ZFAND5: variants seen among roughly 807,000 people sequenced by gnomAD.
The protein encoded by ZFAND5 is AN1-type zinc finger protein 5.
ZFAND5 carries 4 observed loss-of-function variants against 23.6 expected under a neutral mutation model. That is an observed-to-expected ratio of 0.17 (90% CI 0.08 to 0.39). ZFAND5 has a LOEUF of 0.39. ZFAND5 is among the 10% of genes least tolerant of loss of function. ZFAND5 has a pLI of 1.00. For synonymous variants in ZFAND5, 68 were observed against 80.6 expected (o/e 0.84, Z 0.84); for missense variants, 161 against 253.7 (o/e 0.63, Z 2.48).
Position 72,354,561 on chromosome 9 carries a change from T to C in ZFAND5, c.*1392A>G, listed in dbSNP as rs1841880050. The C allele has an allele frequency of 6.6e-6, 1 of 152,638 alleles. No individual in the cohort carries two copies. Among genetic ancestry groups the C allele is most frequent in the Non-Finnish European group, 1.5e-5 (1 of 68,034 alleles). 9.5% of individuals were successfully genotyped at this position (152,638 alleles called of 1,614,324 possible). A position where few individuals can be genotyped will look rare whatever the true frequency, so the allele number is the denominator to read the frequency against. Reference sequence around the variant, plus strand: ...CATAAATATGAACTATCTGTACACATCTGCAGGTCTAACTCAGAACTAAGG... The same window carrying C: ...CATAAATATGAACTATCTGTACACACCTGCAGGTCTAACTCAGAACTAAGG... On this transcript the variant is annotated 3_prime_UTR_variant, in exon 7 of 7. Transcript: ENST00000376962.
In ZFAND5 at chr9:72,359,500, C is replaced by A. The variant is rs79349856; in HGVS notation, c.285G>T (p.Leu95Phe). ...TTTCTGTCATTTGCTGAGTTACAGG[C>A]AAGGCAGCCACAGGCACATTTCTAT... ...EKSRNVPVAA[L>F]PVTQQMTEMS... The change falls in exon 5 of 7, where the codon TTG becomes TTT. Residue 95 changes from leucine to phenylalanine, a missense_variant. This residue lies in a region of ZFAND5 where 116 missense variants were observed against 115.2 expected (regional missense o/e 1.01). Transcript: ENST00000376962. 1.2e-6 allele frequency: 2 copies of A among 1,613,650 alleles called. No homozygotes were observed. The highest frequency in any genetic ancestry group is 1.7e-6 in the Non-Finnish European group (2 of 1,179,696).
Position 72,355,713 on chromosome 9 carries a change from C to T in ZFAND5, c.*240G>A. The T allele has an allele frequency of 2.9e-6, 1 of 339,410 alleles. No individual in the cohort carries two copies. The highest frequency in any genetic ancestry group is 5.0e-5 in the East Asian group (1 of 20,184). 21.0% of individuals were successfully genotyped at this position (339,410 alleles called of 1,614,324 possible). A position where few individuals can be genotyped will look rare whatever the true frequency, so the allele number is the denominator to read the frequency against. Reference sequence around the variant, plus strand: ...CCTATTATCTGTGTGTTTCACTTTGCTGTGCAGATTTTCATCCAATTTTTT... The same window carrying T: ...CCTATTATCTGTGTGTTTCACTTTGTTGTGCAGATTTTCATCCAATTTTTT... On this transcript the variant is annotated 3_prime_UTR_variant, in exon 7 of 7. Transcript: ENST00000376962.
intron 5 of ZFAND5, among the ~76,000 whole-genome samples, chr9:72,358,663 A>G (rs1216519589): frequency 6.6e-6 from 1 of 152,166 alleles, no homozygotes; most frequent in East Asian, 1.9e-4. Flanking sequence ...GATTAATACA[A>G]TAAACAAACT....
At chr9:72,361,593 T>C (rs983985990) in intron 2 of ZFAND5, among the ~76,000 whole-genome samples, 27 of 152,314 alleles carry the variant, frequency 1.8e-4, no homozygotes, top group African/African-American at 6.5e-4. Context: ...TCAAATTCAA[T>C]GTATTAAAGT....
chr9:72,359,610 G>A (rs1842040650), intron 4 of ZFAND5, 89 bp from the exon 5 acceptor site: 3 of 1,220,674 alleles, frequency 2.5e-6, no homozygotes, highest in Non-Finnish European at 3.4e-6. Context: ...TTAAATTATA[G>A]AATATTTCCA....
At position 72,365,193 on chromosome 9, in the gene ZFAND5, G is replaced by A. The variant is rs1241780059; in HGVS notation, c.-644C>T. The A allele has an allele frequency of 2.6e-5, 4 of 152,232 alleles. No individual in the cohort carries two copies. Among genetic ancestry groups the A allele is most frequent in the African/African-American group, 9.6e-5 (4 of 41,460 alleles). 9.4% of individuals were successfully genotyped at this position (152,232 alleles called of 1,614,324 possible). A position where few individuals can be genotyped will look rare whatever the true frequency, so the allele number is the denominator to read the frequency against. On this transcript the variant is annotated 5_prime_UTR_variant, in exon 1 of 7. It adds an upstream start codon to the 5' untranslated region. Coordinates refer to ENST00000376962, the MANE Select transcript of ZFAND5 (RefSeq NM_001102420.3). ...GCGTAGGAGATGCACACAGCTCCGCGTCCCGGCCGACTAACGCACTCGCCG... is the reference window on the plus strand; with the variant it reads ...GCGTAGGAGATGCACACAGCTCCGCATCCCGGCCGACTAACGCACTCGCCG...
rs1333873227 is a variant in ZFAND5, at chr9:72,356,137, T to C, written c.494-36A>G. 5 of 1,579,112 alleles carry C rather than the reference T, an allele frequency of 3.2e-6. No individual in the cohort carries two copies. In the South Asian group the frequency reaches 4.8e-5, roughly 15 times the overall value. ...GAAGAAGTAGAGTCATTTGAGAACT[T>C]GAGGCAATTAAAAGAAAAAAAAGCC... On this transcript the variant is annotated intron_variant, in intron 6 of 6. Transcript: ENST00000376962.
intron 1 of ZFAND5, 187 bp downstream of exon 1, chr9:72,364,509 C>G (rs777230420): frequency 5.5e-5 from 71 of 1,280,542 alleles, no homozygotes; most frequent in Non-Finnish European, 1.2e-5. Flanking sequence ...TCTCGGGCCA[C>G]GACGACAGGA....
rs1224276753 is a variant in ZFAND5, at chr9:72,353,914, G to C, written c.*2039C>G. On this transcript the variant is annotated 3_prime_UTR_variant, in exon 7 of 7. Transcript: ENST00000376962. The stretch of plus-strand genomic sequence containing the variant: ...CAAAAGTAGCAGCATGCAAAGAACT[G>C]ACAGATAAAACTAGGGTATTTCCAC... 6.6e-6 allele frequency: 1 copy of C among 152,102 alleles called. No homozygotes were observed. The highest frequency in any genetic ancestry group is 2.1e-4 in the South Asian group (1 of 4,826). 9.4% of individuals were successfully genotyped at this position (152,102 alleles called of 1,614,324 possible). A position where few individuals can be genotyped will look rare whatever the true frequency, so the allele number is the denominator to read the frequency against.
At position 72,355,838 on chromosome 9, in the gene ZFAND5, G is replaced by T; in HGVS notation, c.*115C>A. ...AATATCAATTATAAGACAGACAAGT[G>T]TAATGTAAAACTCTGGAGAACATCA... On this transcript the variant is annotated 3_prime_UTR_variant, in exon 7 of 7. Transcript: ENST00000376962. 1 of 943,788 alleles carries T rather than the reference G, an allele frequency of 1.1e-6. No homozygotes were observed. Among genetic ancestry groups the T allele is most frequent in the Non-Finnish European group, 1.6e-6 (1 of 642,900 alleles). The allele number at this position is 943,788 out of a possible 1,614,324, so 58.5% of individuals were successfully genotyped here.
At chr9:72,363,096 G>A (rs992268971) in intron 2 of ZFAND5, among the ~76,000 whole-genome samples, 1 of 152,164 alleles carries the variant, frequency 6.6e-6, no homozygotes, top group Non-Finnish European at 1.5e-5. Context: ...CAAGGTTGTT[G>A]ATAAAAAACT....
rs568431881 is a variant in ZFAND5 at position 72,364,599 on chromosome 9, G to C, written c.-147+97C>G. 9.7e-6 allele frequency: 12 copies of C among 1,230,834 alleles called. No individual in the cohort carries two copies. In the African/African-American group the frequency reaches 1.5e-4, roughly 15 times the overall value. 76.2% of individuals were successfully genotyped at this position (1,230,834 alleles called of 1,614,324 possible). On this transcript the variant is annotated intron_variant, in intron 1 of 6. Coordinates refer to ENST00000376962, the MANE Select transcript of ZFAND5 (RefSeq NM_001102420.3). ...ACGCCGCCATCCGCGGCCTGCTCCG[G>C]CTTCGCCATTGGCCCGCGGCGCCCC...
In ZFAND5 at chr9:72,352,580, T is replaced by C. The variant is rs1841805109; in HGVS notation, c.*3373A>G. ...TATTATTAGATTATTTCCCCAATTT[T>C]AGTTATTTCCTAGCAACTTTATTTA... On this transcript the variant is annotated 3_prime_UTR_variant, in exon 7 of 7. Transcript: ENST00000376962. 6.6e-6 allele frequency: 1 copy of C among 152,232 alleles called. No homozygotes were observed. The highest frequency in any genetic ancestry group is 2.4e-5 in the African/African-American group (1 of 41,454). The allele number at this position is 152,232 out of a possible 1,614,324, so 9.4% of individuals were successfully genotyped here.
In ZFAND5 at chr9:72,354,104, A is replaced by G. The variant is rs1841864123; in HGVS notation, c.*1849T>C. 1 of 152,178 alleles carries G rather than the reference A, an allele frequency of 6.6e-6. No individual in the cohort carries two copies. The highest frequency in any genetic ancestry group is 1.5e-5 in the Non-Finnish European group (1 of 68,034). 9.4% of individuals were successfully genotyped at this position (152,178 alleles called of 1,614,324 possible). On this transcript the variant is annotated 3_prime_UTR_variant, in exon 7 of 7. Transcript: ENST00000376962. ...GTATTAGAGCCAAACCCAAAACAGA[A>G]ATAAAACAGAACTCTTTTTGTAAAC...
chr9:72,359,615 T>TAATGAGCAA (rs1204905387), intron 4 of ZFAND5, 94 bp from the exon 5 acceptor site: 1 of 1,198,410 alleles, frequency 8.3e-7, no homozygotes, highest in East Asian at 2.5e-5. Context: ...TTATAGAATA[T>TAATGAGCAA]TTCCAAAATG....
At chr9:72,356,829 T>G in intron 6 of ZFAND5, 102 bp downstream of exon 6, 1 of 1,354,244 alleles carries the variant, frequency 7.4e-7, no homozygotes, top group Non-Finnish European at 9.7e-7. Context: ...CAGGCTTTTT[T>G]TTTTTTTTTA....
chr9:72,361,932 AATACACTTTTTAGTGAGTTATT>A (rs1842116507), intron 2 of ZFAND5, among the ~76,000 whole-genome samples: 1 of 152,234 alleles, frequency 6.6e-6, no homozygotes, highest in African/African-American at 2.4e-5. Flanking sequence ...TACATACTAG[AATACACTTTTTAGTGAGTTATT>A]AAAAAACGAT....
At chr9:72,358,904 TATA>T (rs1842017803) in intron 5 of ZFAND5, among the ~76,000 whole-genome samples, 1 of 152,246 alleles carries the variant, frequency 6.6e-6, no homozygotes, top group East Asian at 1.9e-4. Flanking sequence ...CTGGTTGTGC[TATA>T]TAAGCAAAGT....
rs1338736162 is a variant in ZFAND5, at chr9:72,353,059, G to A, written c.*2894C>T. On this transcript the variant is annotated 3_prime_UTR_variant, in exon 7 of 7. Transcript: ENST00000376962. ...ACAGATCAGGCACACTGAAGATGAG[G>A]TTTTCAAAAAGGACTCACCCATTTA... The A allele has an allele frequency of 6.6e-6, 1 of 152,186 alleles. No individual in the cohort carries two copies. The highest frequency in any genetic ancestry group is 1.5e-5 in the Non-Finnish European group (1 of 68,042). The allele number at this position is 152,186 out of a possible 1,614,324, so 9.4% of individuals were successfully genotyped here. A position where few individuals can be genotyped will look rare whatever the true frequency, so the allele number is the denominator to read the frequency against.
Sources: allele counts gnomAD v4.1 joint callset (sites outside exome capture counted in the v4.1 genomes callset), GRCh38; gene constraint gnomAD v4.1.1; regional missense constraint gnomAD v4.1.1; transcripts MANE v1.5; gene names NCBI Gene and HGNC (gene_info 2026-07-23, HGNC 2026-07-21).